Variants in ARHGEF18 observed in about 807,000 individuals in gnomAD.
The protein encoded by ARHGEF18 is Rho/Rac guanine nucleotide exchange factor 18.
ARHGEF18 carries 93 observed loss-of-function variants against 155.7 expected under a neutral mutation model. That is an observed-to-expected ratio of 0.60 (90% CI 0.50 to 0.71). ARHGEF18 has a LOEUF of 0.71. Ranked by LOEUF, ARHGEF18 falls within the 30% of genes least tolerant of loss-of-function variation. ARHGEF18 has a pLI of 0.00. For missense variants in ARHGEF18, 1,593 were observed against 1,816.1 expected (o/e 0.88, Z 2.23); for synonymous variants, 742 against 753.1 (o/e 0.99, Z 0.24).
chr19:7,410,047 C>G (rs1175768649), intron 10 of ARHGEF18, among the ~76,000 whole-genome samples: 1 of 151,296 alleles, frequency 6.6e-6, no homozygotes, highest in African/African-American at 2.4e-5. Context: ...CTTGGCCTCC[C>G]AAAGTGCTGG....
In ARHGEF18 at chr19:7,367,867, T is replaced by TATACACATATATATA. The variant is rs371389313; in HGVS notation, c.16-4945_16-4944insATACACATATATATA. On this transcript the variant is annotated intron_variant, in intron 2 of 28. Transcript: ENST00000668164. Reference sequence around the variant, plus strand: ...TTATATATATATATACACATATATATTTTTATATATATATATTTTATATAT... The same window carrying TATACACATATATATA: ...TTATATATATATATACACATATATATATACACATATATATATTTTATATATATATATTTTATATAT... Among the ~76,000 whole-genome samples the TATACACATATATATA allele has an allele frequency of 1.4e-4, 3 of 20,932 alleles. 1 individual carries two copies. Among genetic ancestry groups the TATACACATATATATA allele is most frequent in the African/African-American group, 8.3e-4 (3 of 3,634 alleles). 13.7% of individuals were successfully genotyped at this position (20,932 alleles called of 152,430 possible).
In ARHGEF18 at chr19:7,471,466, C is replaced by T. The variant is rs756017861; in HGVS notation, c.*1168C>T. ...AGGGCCCATGTCAAGCCTTGTTCTG[C>T]ACCCCAAGCATTGGTGGTAGGACTG... On this transcript the variant is annotated 3_prime_UTR_variant, in exon 29 of 29. Transcript: ENST00000668164. This position sits in a 1 kb window ranked among gnomAD's most constrained non-coding sequence, Gnocchi z 4.4. 1 of 152,310 alleles carries T rather than the reference C, an allele frequency of 6.6e-6. No homozygotes were observed. Among genetic ancestry groups the T allele is most frequent in the Non-Finnish European group, 1.5e-5 (1 of 68,096 alleles). 9.4% of individuals were successfully genotyped at this position (152,310 alleles called of 1,614,324 possible). A position where few individuals can be genotyped will look rare whatever the true frequency, so the allele number is the denominator to read the frequency against.
chr19:7,375,715 A>G lies in ARHGEF18; in HGVS notation c.276-5A>G. ...GAAGCCCCAGTACCCTGTCTTCTCC[A>G]CTAGGCTCAGCCTCGATGCCTCAGC... On this transcript the variant is annotated splice_polypyrimidine_tract_variant and splice_region_variant and intron_variant, in intron 3 of 28. Transcript: ENST00000668164. 1 of 1,234,288 alleles carries G rather than the reference A, an allele frequency of 8.1e-7. No homozygotes were observed. Among genetic ancestry groups the G allele is most frequent in the East Asian group, 3.2e-5 (1 of 31,684 alleles). The allele number at this position is 1,234,288 out of a possible 1,614,324, so 76.5% of individuals were successfully genotyped here.
intron 16 of ARHGEF18, among the ~76,000 whole-genome samples, chr19:7,452,087 G>T (rs1488418309): frequency 6.6e-6 from 1 of 152,202 alleles, no homozygotes; most frequent in Non-Finnish European, 1.5e-5. Flanking sequence ...GCAGGAGCCA[G>T]GTCTCATTTG....
downstream of ARHGEF18, among the ~76,000 whole-genome samples, chr19:7,476,724 C>A (rs731265): frequency 9.2e-3 from 1,407 of 152,282 alleles, 24 homozygotes; most frequent in African/African-American, 0.032. Flanking sequence ...GGTCCGTGGG[C>A]AACGCTTGCT....
intron 14 of ARHGEF18, among the ~76,000 whole-genome samples, chr19:7,445,064 A>G (rs768910662): frequency 1.7e-4 from 26 of 152,174 alleles, no homozygotes; most frequent in Non-Finnish European, 3.4e-4. Context: ...CTGGCTGAAC[A>G]CTATTCAATG....
chr19:7,429,189 G>A (rs1373543779), intron 10 of ARHGEF18, among the ~76,000 whole-genome samples: 2 of 152,190 alleles, frequency 1.3e-5, no homozygotes, highest in African/African-American at 2.4e-5. Flanking sequence ...GGCAAGAGGT[G>A]AGGCCAGAGA....
chr19:7,441,558 G>A (rs987565817), intron 11 of ARHGEF18, 95 bp from the exon 12 acceptor site: 8 of 877,446 alleles, frequency 9.1e-6, no homozygotes, highest in African/African-American at 3.3e-5. Context: ...AGAGAGTATC[G>A]AATCGGATGG....
chr19:7,465,464 A>G (rs978453732), intron 23 of ARHGEF18, among the ~76,000 whole-genome samples: 2 of 147,094 alleles, frequency 1.4e-5, no homozygotes, highest in Non-Finnish European at 3.0e-5. Flanking sequence ...GCTTGAGGGC[A>G]GTGGCGTGAT....
At chr19:7,412,521 C>T (rs1972748467) in intron 10 of ARHGEF18, among the ~76,000 whole-genome samples, 1 of 151,718 alleles carries the variant, frequency 6.6e-6, no homozygotes, top group South Asian at 2.1e-4. Context: ...GTGGGCGGAT[C>T]ACCTGAGGTC....
At chr19:7,391,048 A>G (rs1420412068) in intron 10 of ARHGEF18, among the ~76,000 whole-genome samples, 1 of 152,064 alleles carries the variant, frequency 6.6e-6, no homozygotes, top group African/African-American at 2.4e-5. Flanking sequence ...CAAAAAAATA[A>G]ATAAATAAAA....
chr19:7,477,393 G>T, downstream of ARHGEF18: 1 of 1,534,840 alleles, frequency 6.5e-7, no homozygotes, highest in Non-Finnish European at 8.7e-7. Flanking sequence ...GCCTCCGACT[G>T]CATCTGCGCC....
downstream of ARHGEF18, chr19:7,473,174 G>A (rs549058246): frequency 4.4e-6 from 2 of 456,222 alleles, no homozygotes; most frequent in Non-Finnish European, 4.4e-6. Context: ...ATTTCCACCT[G>A]GTCTGAGTCC....
chr19:7,396,856 G>A (rs1450077850), intron 10 of ARHGEF18, among the ~76,000 whole-genome samples: 1 of 152,060 alleles, frequency 6.6e-6, no homozygotes, highest in Admixed American at 6.6e-5. Flanking sequence ...GGGTTGGTTG[G>A]GGTTTCTATG....
intron 1 of ARHGEF18, among the ~76,000 whole-genome samples, chr19:7,357,093 T>C (rs187831410): frequency 4.4e-4 from 67 of 152,296 alleles, no homozygotes; most frequent in African/African-American, 1.5e-3. Flanking sequence ...TCAGAGAGGT[T>C]GAGCGACTTG....
chr19:7,469,223 G>A, intron 27 of ARHGEF18, 92 bp downstream of exon 27: 1 of 1,406,084 alleles, frequency 7.1e-7, no homozygotes, highest in Non-Finnish European at 9.4e-7. Context: ...CGGGACACCT[G>A]TGCCATCCTC....
intron 10 of ARHGEF18, among the ~76,000 whole-genome samples, chr19:7,415,310 G>A (rs1600358662): frequency 6.6e-6 from 1 of 151,600 alleles, no homozygotes; most frequent in African/African-American, 2.4e-5. Flanking sequence ...GCAACACCCC[G>A]TGCCAGCGGC....
chr19:7,359,302 T>A (rs1435271000), intron 1 of ARHGEF18, among the ~76,000 whole-genome samples: 2 of 152,046 alleles, frequency 1.3e-5, no homozygotes, highest in African/African-American at 4.8e-5. Flanking sequence ...TAGCTGAGGA[T>A]CAGTGACAAA....
At chr19:7,413,727 C>T (rs1439676617) in intron 10 of ARHGEF18, among the ~76,000 whole-genome samples, 1 of 152,104 alleles carries the variant, frequency 6.6e-6, no homozygotes, top group African/African-American at 2.4e-5. Flanking sequence ...TACCACTATA[C>T]TCCAGCCGAG....
Sources: allele counts gnomAD v4.1 joint callset (sites outside exome capture counted in the v4.1 genomes callset), GRCh38; gene constraint gnomAD v4.1.1; non-coding constraint Gnocchi (gnomAD v3.1); transcripts MANE v1.5; gene names NCBI Gene and HGNC (gene_info 2026-07-23, HGNC 2026-07-21).